Variants in NETO1 observed in about 807,000 individuals in gnomAD.
NETO1 encodes neuropilin and tolloid-like protein 1.
In NETO1, 26 loss-of-function variants were observed where a neutral mutation model predicts 61.3. The ratio of observed to expected loss-of-function variants is 0.42; its 90% CI spans 0.31 to 0.59. NETO1 has a LOEUF of 0.59. Ranked by LOEUF, NETO1 falls within the 20% of genes least tolerant of loss-of-function variation. NETO1 has a pLI of 0.12. For synonymous variants in NETO1, 225 were observed against 225.8 expected, an observed-to-expected ratio of 1.00 and a Z score of 0.03; for missense variants, 531 against 662.8, an observed-to-expected ratio of 0.80 and a Z score of 2.18.
intron 4 of NETO1, among the ~76,000 whole-genome samples, chr18:72,837,616 T>C (rs2073792141): frequency 6.6e-6 from 1 of 152,208 alleles, no homozygotes; most frequent in Non-Finnish European, 1.5e-5. Context: ...TTTTCTTAAT[T>C]ATAATATAGG....
intron 6 of NETO1, among the ~76,000 whole-genome samples, chr18:72,787,137 T>C (rs2071948531): frequency 6.7e-6 from 1 of 149,614 alleles, no homozygotes; most frequent in African/African-American, 2.5e-5. Context: ...AAATCAAAGC[T>C]AAAATCTAGG....
rs986937305 is a variant in NETO1 at position 72,867,443 on chromosome 18, G to A, written c.-152C>T. ...GGGCCGAGAGGGAGACCGAGAGGAAGGGGGAGCTCCGAGCCCACGCTGCAG... is the reference window on the plus strand; with the variant it reads ...GGGCCGAGAGGGAGACCGAGAGGAAAGGGGAGCTCCGAGCCCACGCTGCAG... On this transcript the variant is annotated 5_prime_UTR_variant, in exon 1 of 11. Coordinates refer to ENST00000327305, the MANE Select transcript of NETO1 (RefSeq NM_138966.5). The A allele has an allele frequency of 1.1e-5, 5 of 467,990 alleles. No individual in the cohort carries two copies. The highest frequency in any genetic ancestry group is 8.4e-5 in the Admixed American group (2 of 23,688). 29.0% of individuals were successfully genotyped at this position (467,990 alleles called of 1,614,324 possible). A position where few individuals can be genotyped will look rare whatever the true frequency, so the allele number is the denominator to read the frequency against.
intron 4 of NETO1, among the ~76,000 whole-genome samples, chr18:72,811,171 C>T (rs2145204471): frequency 6.6e-6 from 1 of 152,270 alleles, no homozygotes; most frequent in Non-Finnish European, 1.5e-5. Flanking sequence ...CTCCATCCTA[C>T]AGTCTTTGGC....
intron 6 of NETO1, among the ~76,000 whole-genome samples, chr18:72,790,593 C>T (rs1387202822): frequency 1.3e-5 from 2 of 151,990 alleles, no homozygotes; most frequent in African/African-American, 2.4e-5. Context: ...CCAGACTCTG[C>T]TTGGATTCCT....
intron 6 of NETO1, among the ~76,000 whole-genome samples, chr18:72,792,461 G>A (rs547193927): frequency 1.3e-5 from 2 of 151,608 alleles, no homozygotes; most frequent in African/African-American, 2.4e-5. Flanking sequence ...GTGCGGAGGG[G>A]CTCTTCTTTT....
At chr18:72,835,993 G>A (rs1255239564) in intron 4 of NETO1, among the ~76,000 whole-genome samples, 1 of 152,142 alleles carries the variant, frequency 6.6e-6, no homozygotes, top group East Asian at 1.9e-4. Context: ...CAGCTTCTTG[G>A]CCTTGACGTA....
rs937557831 is a variant in NETO1, at chr18:72,744,763, C to T, written c.*3416G>A. Reference sequence around the variant, plus strand: ...CTTCATAAGATGCTATTATTTATTTCACTGACAAAACATCAGTAAATTAAT... The same window carrying T: ...CTTCATAAGATGCTATTATTTATTTTACTGACAAAACATCAGTAAATTAAT... On this transcript the variant is annotated 3_prime_UTR_variant, in exon 11 of 11. Coordinates refer to ENST00000327305, the MANE Select transcript of NETO1 (RefSeq NM_138966.5). The T allele has an allele frequency of 6.6e-6, 1 of 152,130 alleles. No homozygotes were observed. Among genetic ancestry groups the T allele is most frequent in the African/African-American group, 2.4e-5 (1 of 41,440 alleles). The allele number at this position is 152,130 out of a possible 1,614,324, so 9.4% of individuals were successfully genotyped here.
chr18:72,827,974 A>AT (rs1568233632), intron 4 of NETO1, among the ~76,000 whole-genome samples: 1 of 152,216 alleles, frequency 6.6e-6, no homozygotes, highest in East Asian at 1.9e-4. Flanking sequence ...AGAACAAGCC[A>AT]TATTTGGAGG....
intron 4 of NETO1, among the ~76,000 whole-genome samples, chr18:72,825,194 CTG>C (rs1160861024): frequency 6.6e-6 from 1 of 152,192 alleles, no homozygotes; most frequent in Non-Finnish European, 1.5e-5. Context: ...AACTCAAAGA[CTG>C]GAATGTACAT....
At position 72,766,905 on chromosome 18, in the gene NETO1, C is replaced by A. The variant is rs554797421; in HGVS notation, c.869-10758G>T. ...TTCCATTATGTCTGCCTTGATTCAG[C>A]CCCACAATGATCTCTTCAATGTGTG... On this transcript the variant is annotated intron_variant, in intron 7 of 10. Coordinates refer to ENST00000327305, the MANE Select transcript of NETO1 (RefSeq NM_138966.5). 6.8e-4 allele frequency among the ~76,000 whole-genome samples: 103 copies of A among 152,244 alleles called. 1 individual carries two copies. The highest frequency in any genetic ancestry group is 2.1e-4 in the Non-Finnish European group (14 of 68,014).
chr18:72,816,307 T>C (rs2073031595), intron 4 of NETO1, among the ~76,000 whole-genome samples: 1 of 152,106 alleles, frequency 6.6e-6, no homozygotes, highest in Admixed American at 6.5e-5. Flanking sequence ...GTTTGAAAAA[T>C]CTTAGATATC....
At chr18:72,769,655 GTC>G (rs2071282262) in intron 7 of NETO1, among the ~76,000 whole-genome samples, 1 of 151,960 alleles carries the variant, frequency 6.6e-6, no homozygotes, top group Non-Finnish European at 1.5e-5. Flanking sequence ...TCATCCCATT[GTC>G]TTTTACATAT....
rs76467853 is a variant in NETO1, at chr18:72,772,031, T to G, written c.868+11647A>C. Among the ~76,000 whole-genome samples, 215 of 152,246 alleles carry G rather than the reference T, an allele frequency of 1.4e-3. No individual in the cohort carries two copies. The East Asian group carries it at 0.034, about 24-fold the overall frequency. On this transcript the variant is annotated intron_variant, in intron 7 of 10. Transcript: ENST00000327305. Reference sequence around the variant, plus strand: ...AAAATGTGGAGGCCTCTTCTAAGTTTGTTCAAGTTGTTGGAATGTTTCAGT... The same window carrying G: ...AAAATGTGGAGGCCTCTTCTAAGTTGGTTCAAGTTGTTGGAATGTTTCAGT...
intron 4 of NETO1, among the ~76,000 whole-genome samples, chr18:72,804,970 T>A (rs1294090179): frequency 2.0e-5 from 3 of 152,238 alleles, no homozygotes; most frequent in Non-Finnish European, 4.4e-5. Context: ...TAACAATCTC[T>A]ATTATTTGCA....
chr18:72,834,900 T>TTA, intron 4 of NETO1: 5 of 769,472 alleles, frequency 6.5e-6, no homozygotes, highest in South Asian at 5.9e-5. Context: ...GATTATATAA[T>TTA]TATAATCTTT....
At chr18:72,758,850 C>T (rs2070874789) in intron 7 of NETO1, among the ~76,000 whole-genome samples, 1 of 151,946 alleles carries the variant, frequency 6.6e-6, no homozygotes, top group African/African-American at 2.4e-5. Context: ...TCAAAACAAA[C>T]AAACAAAAAC....
At chr18:72,799,064 G>C (rs781163561) in intron 4 of NETO1, among the ~76,000 whole-genome samples, 2 of 152,220 alleles carry the variant, frequency 1.3e-5, no homozygotes, top group Non-Finnish European at 2.9e-5. Flanking sequence ...TGCACTGAGA[G>C]CATCATTCTT....
At chr18:72,859,363 G>C (rs2074500709) in intron 3 of NETO1, among the ~76,000 whole-genome samples, 1 of 152,124 alleles carries the variant, frequency 6.6e-6, no homozygotes, top group South Asian at 2.1e-4. Flanking sequence ...TTTTATGAAA[G>C]GCTGTTAACT....
At chr18:72,743,602 G>C (rs1376004751), downstream of NETO1, among the ~76,000 whole-genome samples, 1 of 152,080 alleles carries the variant, frequency 6.6e-6, no homozygotes, top group Non-Finnish European at 1.5e-5. Context: ...CTTCTACAGG[G>C]CTCTGTAATT....
Sources: gnomAD v4.1 joint callset for allele counts (sites outside exome capture counted in the v4.1 genomes callset) on GRCh38, gnomAD v4.1.1 for gene constraint, MANE v1.5 for transcripts, NCBI Gene and HGNC (gene_info 2026-07-23, HGNC 2026-07-21) for gene names.